BBS9: variants seen among roughly 807,000 people sequenced by gnomAD.
The protein encoded by BBS9 is Bardet-Biedl syndrome 9.
In BBS9, 89 loss-of-function variants were observed where a neutral mutation model predicts 117.7. That is an observed-to-expected ratio of 0.76 (90% confidence interval 0.64 to 0.90). BBS9 has a LOEUF of 0.90. Among genes scored for constraint, BBS9 ranks in the 40% least tolerant of loss-of-function variants. The pLI is 0.00. For missense variants in BBS9, 982 were observed against 1,042.2 expected, an observed-to-expected ratio of 0.94 and a Z score of 0.80; for synonymous variants, 379 against 370.9, an observed-to-expected ratio of 1.02 and a Z score of -0.25.
intron 5 of BBS9, among the ~76,000 whole-genome samples, chr7:33,219,075 G>A (rs1480146380): frequency 2.0e-5 from 3 of 152,212 alleles, no homozygotes; most frequent in Non-Finnish European, 2.9e-5. Flanking sequence ...CGGAGCAGCC[G>A]GCCAGCCCTG....
intron 17 of BBS9, among the ~76,000 whole-genome samples, chr7:33,373,693 G>T (rs963022217): frequency 6.6e-6 from 1 of 152,112 alleles, no homozygotes; most frequent in Non-Finnish European, 1.5e-5. Context: ...AATGGAAAAG[G>T]TAACTAATAC....
intron 21 of BBS9, among the ~76,000 whole-genome samples, chr7:33,597,378 T>C (rs544666265): frequency 6.6e-6 from 1 of 152,172 alleles, no homozygotes; most frequent in South Asian, 2.1e-4. Context: ...GAAGATTCTT[T>C]GGCAAGTCAG....
intron 16 of BBS9, among the ~76,000 whole-genome samples, chr7:33,361,088 T>G (rs1337978727): frequency 6.6e-6 from 1 of 152,150 alleles, no homozygotes; most frequent in Non-Finnish European, 1.5e-5. Context: ...TTTCACAAGA[T>G]TCCCTAGGAA....
At chr7:33,482,047 C>T (rs926986482) in intron 19 of BBS9, among the ~76,000 whole-genome samples, 4 of 152,030 alleles carry the variant, frequency 2.6e-5, no homozygotes, top group Middle Eastern at 3.4e-3. Context: ...TGTCTCTGAT[C>T]GGGTAAAGAT....
At chr7:33,470,383 T>C (rs1199377338) in intron 19 of BBS9, among the ~76,000 whole-genome samples, 4 of 152,104 alleles carry the variant, frequency 2.6e-5, no homozygotes, top group Non-Finnish European at 5.9e-5. Context: ...AAATCACTTC[T>C]GGACCTTCTA....
At position 33,383,757 on chromosome 7, in the gene BBS9, G is replaced by T. The variant is rs779921215; in HGVS notation, c.1881G>T (p.Gln627His). 6.2e-7 allele frequency: 1 copy of T among 1,612,890 alleles called. No homozygotes were observed. Among genetic ancestry groups the T allele is most frequent in the Non-Finnish European group, 8.5e-7 (1 of 1,179,660 alleles). ...GCCTTCAAGAATATTTTGAAAAACA[G>T]GGAGTCAAAGATTTTGCATGTTCTT... The part of the protein sequence containing the change: ...ILRLQEYFEK[Q>H]GVKDFACSFS... The change falls in exon 18 of 23, where the codon CAG becomes CAT. Residue 627 changes from glutamine to histidine, a missense_variant. Transcript: ENST00000242067.
chr7:33,354,948 G>A (rs1819363417), intron 15 of BBS9, among the ~76,000 whole-genome samples: 1 of 152,054 alleles, frequency 6.6e-6, no homozygotes, highest in Non-Finnish European at 1.5e-5. Flanking sequence ...CAGTCAGTGT[G>A]ATAAATGACT....
intron 7 of BBS9, among the ~76,000 whole-genome samples, chr7:33,271,431 C>T (rs1799776093): frequency 6.6e-6 from 1 of 152,064 alleles, no homozygotes; most frequent in Admixed American, 6.5e-5. Context: ...CAAACTGGAT[C>T]AAAAAGCAAG....
intron 9 of BBS9, among the ~76,000 whole-genome samples, chr7:33,332,339 A>T (rs1467414423): frequency 6.6e-6 from 1 of 152,182 alleles, no homozygotes; most frequent in Non-Finnish European, 1.5e-5. Context: ...ACCTGAAGTC[A>T]TAACCAAAAG....
intron 21 of BBS9, among the ~76,000 whole-genome samples, chr7:33,566,933 G>A (rs985497910): frequency 6.6e-6 from 1 of 152,132 alleles, no homozygotes; most frequent in Non-Finnish European, 1.5e-5. Flanking sequence ...AAGAATAACT[G>A]TATATGAGGA....
intron 5 of BBS9, among the ~76,000 whole-genome samples, chr7:33,226,823 G>A (rs1213128935): frequency 6.6e-6 from 1 of 152,108 alleles, no homozygotes; most frequent in East Asian, 1.9e-4. Flanking sequence ...TTTTACATAA[G>A]GTTCTTAGAG....
At chr7:33,224,173 AT>A (rs1790805295) in intron 5 of BBS9, among the ~76,000 whole-genome samples, 1 of 152,220 alleles carries the variant, frequency 6.6e-6, no homozygotes, top group Non-Finnish European at 1.5e-5. Context: ...ATGAATGACT[AT>A]GCTAAATTAT....
intron 19 of BBS9, among the ~76,000 whole-genome samples, chr7:33,456,778 C>G (rs184845707): frequency 9.9e-5 from 15 of 152,214 alleles, no homozygotes; most frequent in African/African-American, 3.6e-4. Context: ...TCAGATGGAA[C>G]TTTGATTAAA....
At chr7:33,337,616 C>A (rs1178195557) in intron 10 of BBS9, among the ~76,000 whole-genome samples, 1 of 151,954 alleles carries the variant, frequency 6.6e-6, no homozygotes, top group African/African-American at 2.4e-5. Context: ...TGAAAGTAAA[C>A]CAGTGAAGTT....
chr7:33,515,334 C>A (rs753081622), intron 20 of BBS9, among the ~76,000 whole-genome samples: 1 of 151,956 alleles, frequency 6.6e-6, no homozygotes, highest in African/African-American at 2.4e-5. Flanking sequence ...TCCCCTAAAT[C>A]ATGGCAAGTC....
intron 19 of BBS9, among the ~76,000 whole-genome samples, chr7:33,433,638 C>A (rs1359815061): frequency 1.3e-5 from 2 of 152,130 alleles, no homozygotes; most frequent in Admixed American, 6.5e-5. Context: ...GTCAAGAACC[C>A]TCTGGATCAG....
At chr7:33,537,519 G>A (rs1223709075) in intron 21 of BBS9, among the ~76,000 whole-genome samples, 1 of 152,130 alleles carries the variant, frequency 6.6e-6, no homozygotes, top group Non-Finnish European at 1.5e-5. Flanking sequence ...CTTTCTGCTG[G>A]TGAATATAGC....
At chr7:33,431,079 C>A (rs1398910618) in intron 19 of BBS9, among the ~76,000 whole-genome samples, 1 of 151,374 alleles carries the variant, frequency 6.6e-6, no homozygotes, top group African/African-American at 2.4e-5. Flanking sequence ...CCTGTAATAC[C>A]AGCTACTTGG....
intron 20 of BBS9, 58 bp downstream of exon 20, chr7:33,505,703 G>A: frequency 2.6e-6 from 4 of 1,567,444 alleles, no homozygotes; most frequent in Non-Finnish European, 3.5e-6. Flanking sequence ...TTCGGCTTTA[G>A]GAAGATATCA....
Sources: allele counts gnomAD v4.1 joint callset (sites outside exome capture counted in the v4.1 genomes callset), GRCh38; gene constraint gnomAD v4.1.1; transcripts MANE v1.5; gene names NCBI Gene and HGNC (gene_info 2026-07-23, HGNC 2026-07-21).